Variants in PALLD observed in about 807,000 individuals in gnomAD.
The protein encoded by PALLD is palladin, cytoskeletal associated protein, also known as palladin.
A neutral mutation model predicts 123.5 loss-of-function variants in PALLD; 61 were observed. The observed-to-expected ratio is 0.49, with a 90% CI of 0.40 to 0.61. PALLD has a LOEUF of 0.61. Among genes scored for constraint, PALLD ranks in the 20% least tolerant of loss-of-function variants. The probability of loss-of-function intolerance (pLI) is 0.00; values close to 1 mark genes in which losing one functional copy is unlikely to be tolerated. For missense variants in PALLD, 1,273 were observed against 1,377.0 expected, an observed-to-expected ratio of 0.92 and a Z score of 1.20; for synonymous variants, 465 against 496.4, an observed-to-expected ratio of 0.94 and a Z score of 0.84.
At chr4:168,509,384 C>T (rs1762319808) in intron 1 of PALLD, among the ~76,000 whole-genome samples, 2 of 152,224 alleles carry the variant, frequency 1.3e-5, no homozygotes, top group East Asian at 3.9e-4. Context: ...TAAATAAAAG[C>T]TCAAATACAT....
At chr4:168,809,819 G>A (rs567380207) in intron 10 of PALLD, among the ~76,000 whole-genome samples, 1 of 151,426 alleles carries the variant, frequency 6.6e-6, no homozygotes, top group South Asian at 2.1e-4. Context: ...AGCTGAGATT[G>A]TGCCACTGCA....
intron 2 of PALLD, among the ~76,000 whole-genome samples, chr4:168,528,916 C>G (rs1764328273): frequency 6.6e-6 from 1 of 152,106 alleles, no homozygotes; most frequent in Admixed American, 6.5e-5. Context: ...TACCGAATAT[C>G]ATGGAGTTTG....
At chr4:168,679,760 G>C (rs1205866362) in intron 3 of PALLD, among the ~76,000 whole-genome samples, 1 of 152,010 alleles carries the variant, frequency 6.6e-6, no homozygotes, top group Non-Finnish European at 1.5e-5. Flanking sequence ...TTACTGAGTA[G>C]AGATTCTAAT....
intron 10 of PALLD, among the ~76,000 whole-genome samples, chr4:168,774,437 G>T (rs1190890676): frequency 1.3e-5 from 2 of 152,108 alleles, no homozygotes; most frequent in African/African-American, 4.8e-5. Context: ...AATTAAGATA[G>T]CAAATACTGG....
At chr4:168,860,793 G>T (rs115309495) in intron 10 of PALLD, among the ~76,000 whole-genome samples, 6,144 of 152,334 alleles carry the variant, frequency 0.04, 195 homozygotes, top group Middle Eastern at 0.068. Flanking sequence ...CTGCACTCCA[G>T]TCTGGGATGA....
chr4:168,890,849 T>C (rs1363548904), intron 10 of PALLD, 73 bp from the exon 11 acceptor site: 5 of 1,499,244 alleles, frequency 3.3e-6, no homozygotes, highest in East Asian at 4.5e-5. Flanking sequence ...ACTGTCTTTG[T>C]TGGACTTGAA....
intron 10 of PALLD, among the ~76,000 whole-genome samples, chr4:168,845,967 A>C (rs905444392): frequency 6.6e-6 from 1 of 152,182 alleles, no homozygotes; most frequent in Non-Finnish European, 1.5e-5. Context: ...TTTCAAATTA[A>C]TGTGGTCTCA....
intron 2 of PALLD, among the ~76,000 whole-genome samples, chr4:168,541,513 G>A (rs977429907): frequency 2.7e-5 from 4 of 150,774 alleles, no homozygotes; most frequent in African/African-American, 4.9e-5. Context: ...TTACTCTGTC[G>A]CCCAGGCTGG....
At chr4:168,742,429 A>G (rs548808593) in intron 10 of PALLD, among the ~76,000 whole-genome samples, 1 of 152,310 alleles carries the variant, frequency 6.6e-6, no homozygotes, top group Non-Finnish European at 1.5e-5. Context: ...CTGAGAGGAG[A>G]AGACTGTGTG....
Position 168,878,528 on chromosome 4 carries a change from C to G in PALLD, c.1965-12394C>G, listed in dbSNP as rs1015602207. Reference sequence around the variant, plus strand: ...CCAGTAACATTTCACACATTTCTCTCCGTGCGATGTAAAAATTCTTAACGG... The same window carrying G: ...CCAGTAACATTTCACACATTTCTCTGCGTGCGATGTAAAAATTCTTAACGG... On this transcript the variant is annotated intron_variant, in intron 10 of 21. Coordinates refer to ENST00000505667, the MANE Select transcript of PALLD (RefSeq NM_001166108.2). The G allele has an allele frequency of 1.3e-5, 8 of 600,710 alleles. No individual in the cohort carries two copies. The African/African-American group carries it at 1.6e-4, about 12-fold the overall frequency. 37.2% of individuals were successfully genotyped at this position (600,710 alleles called of 1,614,324 possible).
At chr4:168,702,704 C>T (rs1783792316) in intron 8 of PALLD, among the ~76,000 whole-genome samples, 1 of 152,030 alleles carries the variant, frequency 6.6e-6, no homozygotes, top group Non-Finnish European at 1.5e-5. Flanking sequence ...GGGATTTGAC[C>T]TAATCAATCT....
chr4:168,637,584 T>G (rs1580701580), intron 2 of PALLD, among the ~76,000 whole-genome samples: 2 of 152,108 alleles, frequency 1.3e-5, no homozygotes, highest in East Asian at 3.8e-4. Context: ...ACAAGGCATT[T>G]CCTACTCTGG....
Position 168,927,907 on chromosome 4 carries a change from G to C in PALLD, c.*1727G>C. ...ACTGTATTCCTTATGCAAAACACAT[G>C]TATCTTTCATTATTTATAAGTGGCC... On this transcript the variant is annotated 3_prime_UTR_variant, in exon 22 of 22. Coordinates refer to ENST00000505667, the MANE Select transcript of PALLD (RefSeq NM_001166108.2). The C allele has an allele frequency of 4.9e-6, 1 of 202,660 alleles. No homozygotes were observed. Among genetic ancestry groups the C allele is most frequent in the East Asian group, 7.7e-5 (1 of 13,036 alleles). The allele number at this position is 202,660 out of a possible 1,614,324, so 12.6% of individuals were successfully genotyped here.
At chr4:168,689,270 C>A (rs1174647846) in intron 6 of PALLD, among the ~76,000 whole-genome samples, 2 of 152,060 alleles carry the variant, frequency 1.3e-5, no homozygotes, top group African/African-American at 2.4e-5. Flanking sequence ...TCCAGGACAT[C>A]ATTTATTGTC....
chr4:168,503,343 A>G (rs1761624618), intron 1 of PALLD, among the ~76,000 whole-genome samples: 1 of 152,218 alleles, frequency 6.6e-6, no homozygotes, highest in Non-Finnish European at 1.5e-5. Context: ...TCAAGGATGA[A>G]CCGGAGTTTG....
Position 168,749,394 on chromosome 4 carries a change from T to G in PALLD, c.1964+37471T>G, listed in dbSNP as rs116166035. Among the ~76,000 whole-genome samples the G allele has an allele frequency of 4.6e-3, 648 of 139,608 alleles. 1 individual carries two copies. Among genetic ancestry groups the G allele is most frequent in the African/African-American group, 0.016 (601 of 36,940 alleles). The allele number at this position is 139,608 out of a possible 152,430, so 91.6% of individuals were successfully genotyped here. ...AATGTAACTAATTGAGTGAGTGACT[T>G]CCTATCACCTTTAAAAAAAAAAAAA... is the stretch of plus-strand genomic sequence containing the variant. On this transcript the variant is annotated intron_variant, in intron 10 of 21. Coordinates refer to ENST00000505667, the MANE Select transcript of PALLD (RefSeq NM_001166108.2).
At chr4:168,754,739 A>G (rs1408630911) in intron 10 of PALLD, among the ~76,000 whole-genome samples, 3 of 152,156 alleles carry the variant, frequency 2.0e-5, no homozygotes, top group African/African-American at 7.2e-5. Context: ...TTCAATACAC[A>G]CTATACAGAT....
At chr4:168,922,735 A>G (rs914671544) in intron 18 of PALLD, among the ~76,000 whole-genome samples, 4 of 152,204 alleles carry the variant, frequency 2.6e-5, no homozygotes, top group Non-Finnish European at 4.4e-5. Flanking sequence ...AAAGTACTCT[A>G]TATTCTTACA....
intron 10 of PALLD, among the ~76,000 whole-genome samples, chr4:168,767,994 C>T (rs1194672163): frequency 6.6e-6 from 1 of 152,132 alleles, no homozygotes; most frequent in East Asian, 1.9e-4. Flanking sequence ...TTCCATACTC[C>T]CTGTAAGCTC....
Sources: allele counts gnomAD v4.1 joint callset (sites outside exome capture counted in the v4.1 genomes callset), GRCh38; gene constraint gnomAD v4.1.1; transcripts MANE v1.5; gene names NCBI Gene and HGNC (gene_info 2026-07-23, HGNC 2026-07-21).